CNTNAP5: variants seen among roughly 807,000 people sequenced by gnomAD.
CNTNAP5 encodes the protein contactin-associated protein-like 5.
In CNTNAP5, 72 loss-of-function variants were observed where a neutral mutation model predicts 150.2. The ratio of observed to expected loss-of-function variants is 0.48; its 90% CI spans 0.40 to 0.58. The LOEUF (loss-of-function observed/expected upper bound fraction) is 0.58. Among genes scored for constraint, CNTNAP5 ranks in the 20% least tolerant of loss-of-function variants. The pLI is 0.00. For synonymous variants in CNTNAP5, 672 were observed against 619.8 expected, an observed-to-expected ratio of 1.08 and a Z score of -1.25; for missense variants, 1,636 against 1,626.2, an observed-to-expected ratio of 1.01 and a Z score of -0.10.
At chr2:124,532,802 C>A (rs1012610353) in intron 10 of CNTNAP5, among the ~76,000 whole-genome samples, 1 of 152,084 alleles carries the variant, frequency 6.6e-6, no homozygotes, top group Non-Finnish European at 1.5e-5. Flanking sequence ...TGAGAGAGTG[C>A]GAGAAAAATG....
At chr2:124,247,313 G>A (rs1490073035) in intron 3 of CNTNAP5, among the ~76,000 whole-genome samples, 2 of 150,838 alleles carry the variant, frequency 1.3e-5, no homozygotes, top group African/African-American at 4.8e-5. Flanking sequence ...ACTGTGCAAG[G>A]TGCTAGGCTT....
chr2:124,637,344 A>G (rs1677992495), intron 12 of CNTNAP5, among the ~76,000 whole-genome samples: 1 of 152,214 alleles, frequency 6.6e-6, no homozygotes, highest in African/African-American at 2.4e-5. Context: ...GACAGTTGTT[A>G]AATAAAATAT....
chr2:124,194,662 C>T (rs1333888968), intron 1 of CNTNAP5, among the ~76,000 whole-genome samples: 1 of 150,222 alleles, frequency 6.7e-6, no homozygotes, highest in African/African-American at 2.4e-5. Flanking sequence ...TAGGTTGCCA[C>T]ATTATAACAA....
At chr2:124,471,274 G>T (rs1693508329) in intron 6 of CNTNAP5, among the ~76,000 whole-genome samples, 1 of 151,984 alleles carries the variant, frequency 6.6e-6, no homozygotes, top group Non-Finnish European at 1.5e-5. Flanking sequence ...CCTTGAAGAG[G>T]TCCTTCACTT....
Position 124,290,414 on chromosome 2 carries a change from A to G in CNTNAP5, c.381+48021A>G, listed in dbSNP as rs532538183. ...CGCTGTTGTAAAAGATCCTCTACCT[A>G]CTCTGAACATGGATCTTTAAAATTG... On this transcript the variant is annotated intron_variant, in intron 3 of 23. Transcript: ENST00000682447. 3.3e-5 allele frequency among the ~76,000 whole-genome samples: 5 copies of G among 152,144 alleles called. No individual in the cohort carries two copies. The South Asian group carries it at 6.2e-4, about 19-fold the overall frequency.
chr2:124,248,329 A>C (rs1001802821), intron 3 of CNTNAP5, among the ~76,000 whole-genome samples: 1 of 152,162 alleles, frequency 6.6e-6, no homozygotes, highest in African/African-American at 2.4e-5. Flanking sequence ...TGTGGGTTGC[A>C]ATGTGAAATA....
At chr2:124,256,194 G>T (rs145057190) in intron 3 of CNTNAP5, among the ~76,000 whole-genome samples, 4 of 152,104 alleles carry the variant, frequency 2.6e-5, no homozygotes, top group East Asian at 3.9e-4. Flanking sequence ...AAAAACCTTC[G>T]TTCGGATAAT....
At chr2:124,473,904 G>A (rs187634445) in intron 6 of CNTNAP5, among the ~76,000 whole-genome samples, 1 of 151,956 alleles carries the variant, frequency 6.6e-6, no homozygotes, top group Non-Finnish European at 1.5e-5. Flanking sequence ...GAAGAAAACC[G>A]CTAGTATCTC....
chr2:124,607,959 A>G (rs1677293406), intron 11 of CNTNAP5, among the ~76,000 whole-genome samples: 1 of 152,240 alleles, frequency 6.6e-6, no homozygotes, highest in South Asian at 2.1e-4. Flanking sequence ...TGCTGCGGAA[A>G]GTTTGCTGGA....
At chr2:124,052,897 AT>A (rs1372141869) in intron 1 of CNTNAP5, among the ~76,000 whole-genome samples, 1 of 151,726 alleles carries the variant, frequency 6.6e-6, no homozygotes, top group Non-Finnish European at 1.5e-5. Flanking sequence ...TGCTAATGCC[AT>A]TTTCTCTGCT....
At chr2:124,220,974 C>G (rs551273314) in intron 1 of CNTNAP5, among the ~76,000 whole-genome samples, 1 of 152,216 alleles carries the variant, frequency 6.6e-6, no homozygotes, top group Admixed American at 6.5e-5. Flanking sequence ...AGGGGTATAT[C>G]TACCTTCTCA....
chr2:124,118,576 T>C (rs2104713537), intron 1 of CNTNAP5, among the ~76,000 whole-genome samples: 1 of 152,210 alleles, frequency 6.6e-6, no homozygotes, highest in East Asian at 1.9e-4. Context: ...ATGAAGAGTG[T>C]TTTGGGAGGA....
At chr2:124,200,946 T>C (rs1361882633) in intron 1 of CNTNAP5, among the ~76,000 whole-genome samples, 1 of 152,114 alleles carries the variant, frequency 6.6e-6, no homozygotes, top group African/African-American at 2.4e-5. Context: ...CTAAGACCCA[T>C]ATGTCCTCTG....
chr2:124,709,216 G>GGTGTGT (rs372309041), intron 13 of CNTNAP5, among the ~76,000 whole-genome samples: 1 of 138,584 alleles, frequency 7.2e-6, no homozygotes, highest in African/African-American at 2.7e-5. Flanking sequence ...GGGGAGGGAG[G>GGTGTGT]GTGTGTGTGT....
At chr2:124,335,762 G>C (rs1193538533) in intron 3 of CNTNAP5, among the ~76,000 whole-genome samples, 1 of 151,850 alleles carries the variant, frequency 6.6e-6, no homozygotes, top group Non-Finnish European at 1.5e-5. Context: ...TTGCCAGCTT[G>C]TCAGTCCTAG....
intron 3 of CNTNAP5, among the ~76,000 whole-genome samples, chr2:124,414,270 C>T (rs17725356): frequency 0.14 from 21,801 of 151,962 alleles, 1,782 homozygotes; most frequent in Non-Finnish European, 0.19. Flanking sequence ...ACATAACTTC[C>T]GGCATTGATA....
Position 124,434,534 on chromosome 2 carries a change from A to T in CNTNAP5, c.580A>T (p.Asn194Tyr). The T allele has an allele frequency of 6.2e-7, 1 of 1,613,976 alleles. No homozygotes were observed. Among genetic ancestry groups the T allele is most frequent in the South Asian group, 1.1e-5 (1 of 91,086 alleles). ...DGRSSLLYRF[N>Y]QKLMSTLKDV... ...CCGAAGCTCACTTCTGTACAGGTTC[A>T]ATCAGAAGTTGATGAGTACTCTCAA... The change falls in exon 5 of 24, where the codon AAT (asparagine) becomes TAT (tyrosine). Residue 194 changes from asparagine (N) to tyrosine (Y), a missense_variant. Transcript: ENST00000682447.
Position 124,417,523 on chromosome 2 carries a change from TGTG to T in CNTNAP5, c.463_465del (p.Val155del). ...CAGTGAGAGCCCGATTTGTTCGCTTTGTGCCCCTGGAATGGAATCCCAGTGGGA... is the reference window on the plus strand; with the variant it reads ...CAGTGAGAGCCCGATTTGTTCGCTTTCCCCTGGAATGGAATCCCAGTGGGA... On this transcript the variant is annotated inframe_deletion, in exon 4 of 24. Transcript: ENST00000682447. 6.2e-7 allele frequency: 1 copy of T among 1,613,860 alleles called. No individual in the cohort carries two copies. Among genetic ancestry groups the T allele is most frequent in the Non-Finnish European group, 8.5e-7 (1 of 1,179,838 alleles).
At chr2:124,902,683 G>A (rs1678437309) in intron 21 of CNTNAP5, among the ~76,000 whole-genome samples, 199 bp from the exon 22 acceptor site, 1 of 152,156 alleles carries the variant, frequency 6.6e-6, no homozygotes, top group Admixed American at 6.5e-5. Flanking sequence ...TCTATGAAAT[G>A]TAGTTGATAT....
Sources: allele counts gnomAD v4.1 joint callset (sites outside exome capture counted in the v4.1 genomes callset), GRCh38; gene constraint gnomAD v4.1.1; transcripts MANE v1.5; gene names NCBI Gene and HGNC (gene_info 2026-07-23, HGNC 2026-07-21).